Variants in TRIM8 observed in about 807,000 individuals in gnomAD.
The protein encoded by TRIM8 is E3 ubiquitin-protein ligase TRIM8.
Under a neutral mutation model 55.7 loss-of-function variants are expected in TRIM8, and 9 were observed. That is an observed-to-expected ratio of 0.16 (90% CI 0.10 to 0.28). TRIM8 has a LOEUF of 0.28. TRIM8 is among the 10% of genes least tolerant of loss of function. The probability of loss-of-function intolerance (pLI) is 1.00; values close to 1 mark genes in which losing one functional copy is unlikely to be tolerated. For synonymous variants in TRIM8, 335 were observed against 333.3 expected (o/e 1.01, Z -0.06); for missense variants, 556 against 736.4 (o/e 0.76, Z 2.83).
In TRIM8 at chr10:102,656,772, C is replaced by T; in HGVS notation, c.1074C>T (p.Phe358=). 1 of 1,513,092 alleles carries T rather than the reference C, an allele frequency of 6.6e-7. No individual in the cohort carries two copies. The highest frequency in any genetic ancestry group is 8.8e-7 in the Non-Finnish European group (1 of 1,131,482). 93.7% of individuals were successfully genotyped at this position (1,513,092 alleles called of 1,614,324 possible). ...LEGPFSTPVP[F]LQSVPLYPCG... ...GCCCCTTCAGCACGCCGGTGCCCTT[C>T]CTGCAGAGTGTCCCCCTGTACCCTT... The change falls in exon 6 of 6, where the codon TTC becomes TTT. Residue 358 remains phenylalanine, a synonymous_variant. Transcript: ENST00000643721. This position sits in a 1 kb window ranked among gnomAD's most constrained non-coding sequence, Gnocchi z 4.6.
In TRIM8 at chr10:102,657,227, C is replaced by T; in HGVS notation, c.1529C>T (p.Pro510Leu). The change falls in exon 6 of 6, where the codon CCC (proline) becomes CTC (leucine). Residue 510 changes from proline (P) to leucine (L), a missense_variant. This residue lies in a region of TRIM8 where 391 missense variants were observed against 441.0 expected (regional missense o/e 0.89). Transcript: ENST00000643721. The part of the protein sequence containing the change: ...QEYSHPLPPT[P>L]SVPQSLPSLA... ...TACTCACACCCGCTCCCGCCCACAC[C>T]CTCCGTCCCCCAGTCCCTTCCCAGC... is the stretch of plus-strand genomic sequence containing the variant. The T allele has an allele frequency of 1.2e-6, 2 of 1,614,070 alleles. No individual in the cohort carries two copies. The highest frequency in any genetic ancestry group is 1.7e-6 in the Non-Finnish European group (2 of 1,179,986).
chr10:102,651,116 T>C (rs568380865), intron 1 of TRIM8, among the ~76,000 whole-genome samples: 2 of 152,164 alleles, frequency 1.3e-5, no homozygotes, highest in African/African-American at 2.4e-5. Context: ...CTCTTCCTGC[T>C]CTCACTCCAA....
chr10:102,648,454 G>T (rs139169130), intron 1 of TRIM8, among the ~76,000 whole-genome samples: 5 of 152,254 alleles, frequency 3.3e-5, no homozygotes, highest in Non-Finnish European at 7.4e-5. Context: ...TGTTGCTAGG[G>T]CCCTGTTCCT....
Position 102,656,816 on chromosome 10 carries a change from G to A in TRIM8, c.1118G>A (p.Gly373Glu). Residue 373 changes from glycine (G) to glutamate (E), a missense_variant, in exon 6 of 6, where the codon GGG becomes GAG. Gly to Glu is a moderately conservative substitution (Grantham distance 98, BLOSUM62 -2). Around this residue, in one of 2 missense-constraint regions of TRIM8, gnomAD observed 391 missense variants for 441.0 expected, o/e 0.89. Coordinates refer to ENST00000643721, the MANE Select transcript of TRIM8 (RefSeq NM_030912.3). The surrounding 1 kb of genome is among the most constrained non-coding windows in gnomAD (Gnocchi z 4.6). ...PLYPCGVSSS[G>E]AEKRKHSTAF... is the part of the protein sequence containing the mutation. ...TACCCTTGCGGCGTGAGCAGCTCTG[G>A]GGCGGAAAAGCGCAAGCACTCAACG... 6.5e-7 allele frequency: 1 copy of A among 1,529,812 alleles called. No homozygotes were observed. Among genetic ancestry groups the A allele is most frequent in the East Asian group, 2.3e-5 (1 of 44,192 alleles). 94.8% of individuals were successfully genotyped at this position (1,529,812 alleles called of 1,614,324 possible). A position where few individuals can be genotyped will look rare whatever the true frequency, so the allele number is the denominator to read the frequency against.
At position 102,657,253 on chromosome 10, in the gene TRIM8, C is replaced by G. The variant is rs200194552; in HGVS notation, c.1555C>G (p.Leu519Val). 7 of 1,614,112 alleles carry G rather than the reference C, an allele frequency of 4.3e-6. No individual in the cohort carries two copies. The highest frequency in any genetic ancestry group is 5.1e-6 in the Non-Finnish European group (6 of 1,180,010). The change falls in exon 6 of 6, where the codon CTG (leucine) becomes GTG (valine). Residue 519 changes from leucine (L) to valine (V), a missense_variant. By Grantham distance (32) the Leu-to-Val change is conservative (BLOSUM62 1). Coordinates refer to ENST00000643721, the MANE Select transcript of TRIM8 (RefSeq NM_030912.3). ...TPSVPQSLPS[L>V]AVRDWLDASQ... ...CTCCGTCCCCCAGTCCCTTCCCAGC[C>G]TGGCGGTCAGAGACTGGCTTGACGC...
intron 1 of TRIM8, chr10:102,654,326 A>C: frequency 4.7e-6 from 1 of 212,384 alleles, no homozygotes; most frequent in Non-Finnish European, 9.7e-6. Flanking sequence ...AATCCCAGCT[A>C]CTCGGGAGGC....
At chr10:102,647,529 A>G (rs1350863374) in intron 1 of TRIM8, among the ~76,000 whole-genome samples, 1 of 152,172 alleles carries the variant, frequency 6.6e-6, no homozygotes, top group Non-Finnish European at 1.5e-5. Context: ...CTGCCCTCCC[A>G]GGAGGGAGAG....
At chr10:102,655,017 G>T (rs554554210) in intron 2 of TRIM8, 63 bp from the exon 3 acceptor site, 82 of 1,565,358 alleles carry the variant, frequency 5.2e-5, no homozygotes, top group East Asian at 2.2e-4. Flanking sequence ...AGGGTAAGAG[G>T]GGGGGAAACC....
At chr10:102,648,243 A>C (rs946658891) in intron 1 of TRIM8, among the ~76,000 whole-genome samples, 1 of 152,082 alleles carries the variant, frequency 6.6e-6, no homozygotes, top group Admixed American at 6.5e-5. Flanking sequence ...GCATTGAAGG[A>C]CTGGTGGGAG....
Position 102,644,541 on chromosome 10 carries a change from G to T in TRIM8, c.-77G>T. 7.0e-7 allele frequency: 1 copy of T among 1,431,944 alleles called. No homozygotes were observed. Among genetic ancestry groups the T allele is most frequent in the Non-Finnish European group, 9.5e-7 (1 of 1,053,968 alleles). The allele number at this position is 1,431,944 out of a possible 1,614,324, so 88.7% of individuals were successfully genotyped here. ...GGGGCCGGAGCTCGGGGCTCGGTGG[G>T]CCTACAGCGGCTCCGGACGGACCCC... On this transcript the variant is annotated 5_prime_UTR_variant, in exon 1 of 6. Transcript: ENST00000643721.
intron 1 of TRIM8, among the ~76,000 whole-genome samples, chr10:102,645,999 C>T (rs1373033862): frequency 6.6e-6 from 1 of 152,196 alleles, no homozygotes; most frequent in South Asian, 2.1e-4. Flanking sequence ...GGTTGAGCCG[C>T]CTTGAAATCT....
chr10:102,647,041 CTG>C (rs888332697), intron 1 of TRIM8, among the ~76,000 whole-genome samples: 5 of 152,226 alleles, frequency 3.3e-5, no homozygotes, highest in African/African-American at 7.2e-5. Context: ...GTCTTTGAGA[CTG>C]TGTGCTTCGC....
In TRIM8 at chr10:102,657,075, G is replaced by C. The variant is rs2064032287; in HGVS notation, c.1377G>C (p.Gln459His). ...CCGCCCAGCAGCCCATGCTCCCCCA[G>C]TATGGCGGCCGCAAGATTCTCGTCT... ...GSAAQQPMLP[Q>H]YGGRKILVCS... The change falls in exon 6 of 6, where the codon CAG (glutamine) becomes CAC (histidine). Residue 459 changes from glutamine to histidine, a missense_variant. By Grantham distance (24) the Gln-to-His change is conservative (BLOSUM62 0). Coordinates refer to ENST00000643721, the MANE Select transcript of TRIM8 (RefSeq NM_030912.3). 2 of 1,613,446 alleles carry C rather than the reference G, an allele frequency of 1.2e-6. No homozygotes were observed. The highest frequency in any genetic ancestry group is 1.3e-5 in the African/African-American group (1 of 74,908).
In TRIM8 at chr10:102,656,210, G is replaced by A; in HGVS notation, c.933-60G>A. The stretch of plus-strand genomic sequence containing the variant: ...AGGGGGGCCAGGCCCATGGCGGGGA[G>A]GTAGGGCGGGCTCACCGGTGATGCC... On this transcript the variant is annotated intron_variant, in intron 4 of 5. Coordinates refer to ENST00000643721, the MANE Select transcript of TRIM8 (RefSeq NM_030912.3). This position sits in a 1 kb window ranked among gnomAD's most constrained non-coding sequence, Gnocchi z 4.6. The A allele has an allele frequency of 6.2e-7, 1 of 1,614,078 alleles. No individual in the cohort carries two copies. The highest frequency in any genetic ancestry group is 1.1e-5 in the South Asian group (1 of 91,070).
chr10:102,650,022 T>TTGCTCCTCCCTGCCC (rs1554858786), intron 1 of TRIM8, among the ~76,000 whole-genome samples: 2 of 151,282 alleles, frequency 1.3e-5, no homozygotes, highest in Non-Finnish European at 2.9e-5. Context: ...CCCCCTCTTC[T>TTGCTCCTCCCTGCCC]TGCCCCTCCC....
Position 102,657,464 on chromosome 10 carries a change from A to C in TRIM8, c.*110A>C, listed in dbSNP as rs965963067. On this transcript the variant is annotated 3_prime_UTR_variant, in exon 6 of 6. Transcript: ENST00000643721. The stretch of plus-strand genomic sequence containing the variant: ...ACCTTCCTCGCCTCCCCTCTTCCTC[A>C]TTCCATTGCCCCAGGTCTTTTCCTT... 2 of 1,295,394 alleles carry C rather than the reference A, an allele frequency of 1.5e-6. No homozygotes were observed. Among genetic ancestry groups the C allele is most frequent in the Non-Finnish European group, 2.1e-6 (2 of 957,982 alleles). The allele number at this position is 1,295,394 out of a possible 1,614,324, so 80.2% of individuals were successfully genotyped here. A position where few individuals can be genotyped will look rare whatever the true frequency, so the allele number is the denominator to read the frequency against.
rs999092393 is a variant in TRIM8 at position 102,656,151 on chromosome 10, C to G, written c.932+14C>G. ...CCTGATGGACAGGTAAGCTGAGGGC[C>G]CTAGCCCTCCCGGGGGCACATCCTG... On this transcript the variant is annotated intron_variant, in intron 4 of 5. Transcript: ENST00000643721. This position sits in a 1 kb window ranked among gnomAD's most constrained non-coding sequence, Gnocchi z 4.6. 6.2e-7 allele frequency: 1 copy of G among 1,614,168 alleles called. No homozygotes were observed.
At chr10:102,647,391 G>C (rs2063945591) in intron 1 of TRIM8, among the ~76,000 whole-genome samples, 1 of 152,216 alleles carries the variant, frequency 6.6e-6, no homozygotes, top group African/African-American at 2.4e-5. Context: ...TCCTTCTCCA[G>C]GTTCCCCCTC....
At chr10:102,651,575 C>T (rs1322812308) in intron 1 of TRIM8, among the ~76,000 whole-genome samples, 2 of 152,200 alleles carry the variant, frequency 1.3e-5, no homozygotes, top group Non-Finnish European at 2.9e-5. Flanking sequence ...TGGGTTTGGT[C>T]GTGGAGAAGC....
Sources: allele counts gnomAD v4.1 joint callset (sites outside exome capture counted in the v4.1 genomes callset), GRCh38; gene constraint gnomAD v4.1.1; regional missense constraint gnomAD v4.1.1; non-coding constraint Gnocchi (gnomAD v3.1); transcripts MANE v1.5; gene names NCBI Gene and HGNC (gene_info 2026-07-23, HGNC 2026-07-21).